Variants in TRAPPC9 observed in about 807,000 individuals in gnomAD.
The protein encoded by TRAPPC9 is trafficking protein particle complex subunit 9.
Under a neutral mutation model 124.0 loss-of-function variants are expected in TRAPPC9, and 83 were observed. The ratio of observed to expected loss-of-function variants is 0.67; its 90% confidence interval spans 0.56 to 0.80. The LOEUF (loss-of-function observed/expected upper bound fraction) is 0.80, where lower values mean the gene tolerates loss of function less well. Among genes scored for constraint, TRAPPC9 ranks in the 30% least tolerant of loss-of-function variants. The pLI, the probability that TRAPPC9 is intolerant of heterozygous loss-of-function variation, is 0.00. For synonymous variants in TRAPPC9, 638 were observed against 617.5 expected (o/e 1.03, Z -0.49); for missense variants, 1,302 against 1,508.3 (o/e 0.86, Z 2.27).
Position 140,148,227 on chromosome 8 carries a change from C to A in TRAPPC9, c.2556+73232G>T, listed in dbSNP as rs76327565. Among the ~76,000 whole-genome samples, 603 of 152,312 alleles carry A rather than the reference C, an allele frequency of 4.0e-3. 8 individuals are homozygous for A. Among genetic ancestry groups the A allele is most frequent in the African/African-American group, 0.013 (555 of 41,572 alleles). ...ATCCTGAACATTTTGTATGTAAACA[C>A]CCAGATCATTTTAATAAAAAATGAT... On this transcript the variant is annotated intron_variant, in intron 17 of 22. Transcript: ENST00000438773.
intron 18 of TRAPPC9, among the ~76,000 whole-genome samples, chr8:140,019,494 T>C (rs983252453): frequency 6.6e-6 from 1 of 151,694 alleles, no homozygotes; most frequent in Non-Finnish European, 1.5e-5. Context: ...TGTGTGACTA[T>C]TTATTTTTTC....
At chr8:139,896,207 G>A (rs1468888555) in intron 20 of TRAPPC9, among the ~76,000 whole-genome samples, 1 of 152,204 alleles carries the variant, frequency 6.6e-6, no homozygotes, top group East Asian at 1.9e-4. Flanking sequence ...TGAAGGCAGC[G>A]ATTACAGCCA....
rs564475272 is a variant in TRAPPC9 at position 140,223,318 on chromosome 8, T to C, written c.2432-1735A>G. ...AGTTTGCTGAGGATAATGAAACTTGTCCCCATTTTAAAGAACAGCAATAAA... is the reference window on the plus strand; with the variant it reads ...AGTTTGCTGAGGATAATGAAACTTGCCCCCATTTTAAAGAACAGCAATAAA... On this transcript the variant is annotated intron_variant, in intron 16 of 22. Transcript: ENST00000438773. 2.6e-5 allele frequency among the ~76,000 whole-genome samples: 4 copies of C among 152,218 alleles called. No homozygotes were observed. In the South Asian group the frequency reaches 8.3e-4, roughly 32 times the overall value.
At position 140,404,816 on chromosome 8, in the gene TRAPPC9, A is replaced by G. The variant is rs1001205768; in HGVS notation, c.1008+761T>C. Among the ~76,000 whole-genome samples the G allele has an allele frequency of 2.1e-4, 30 of 141,994 alleles. No individual in the cohort carries two copies. The Middle Eastern group carries it at 0.015, about 73-fold the overall frequency. The allele number at this position is 141,994 out of a possible 152,430, so 93.2% of individuals were successfully genotyped here. A position where few individuals can be genotyped will look rare whatever the true frequency, so the allele number is the denominator to read the frequency against. ...TGTATGTGTGTGTGAACATGTGTGTATGTGCATGTGTGTGAGCATGCGTGT... is the reference window on the plus strand; with the variant it reads ...TGTATGTGTGTGTGAACATGTGTGTGTGTGCATGTGTGTGAGCATGCGTGT... On this transcript the variant is annotated intron_variant, in intron 6 of 22. Transcript: ENST00000438773.
chr8:139,790,271 C>T (rs1469718532), intron 21 of TRAPPC9, among the ~76,000 whole-genome samples: 3 of 152,214 alleles, frequency 2.0e-5, no homozygotes, highest in South Asian at 2.1e-4. Flanking sequence ...GCTCTGCTGC[C>T]GCTGACGCAG....
intron 17 of TRAPPC9, among the ~76,000 whole-genome samples, chr8:140,081,070 T>C (rs1247706826): frequency 6.6e-6 from 1 of 152,112 alleles, no homozygotes; most frequent in Admixed American, 6.5e-5. Flanking sequence ...TCTGGAGGTG[T>C]GACCAAAGTT....
chr8:139,783,420 A>G (rs1278344385), intron 21 of TRAPPC9, among the ~76,000 whole-genome samples: 1 of 152,212 alleles, frequency 6.6e-6, no homozygotes, highest in Non-Finnish European at 1.5e-5. Context: ...TCATTTGACA[A>G]CATAGATAAA....
At chr8:140,058,430 C>G (rs1842411175) in intron 17 of TRAPPC9, among the ~76,000 whole-genome samples, 1 of 152,168 alleles carries the variant, frequency 6.6e-6, no homozygotes, top group Admixed American at 6.5e-5. Context: ...ATGAACTGTC[C>G]TCAACTATTC....
rs183580692 is a variant in TRAPPC9 at position 140,319,254 on chromosome 8, C to T, written c.1496-7880G>A. Among the ~76,000 whole-genome samples, 582 of 147,686 alleles carry T rather than the reference C, an allele frequency of 3.9e-3. 1 individual carries two copies. The highest frequency in any genetic ancestry group is 0.014 in the African/African-American group (539 of 39,772). On this transcript the variant is annotated intron_variant, in intron 9 of 22. Transcript: ENST00000438773. ...GCAGTGGCGCGATCTCGGCTCACTGCAAGCTCCGCCTCCCGGGTTCACACC... is the reference window on the plus strand; with the variant it reads ...GCAGTGGCGCGATCTCGGCTCACTGTAAGCTCCGCCTCCCGGGTTCACACC...
chr8:140,298,930 G>A (rs895251713), intron 11 of TRAPPC9, among the ~76,000 whole-genome samples: 1 of 152,236 alleles, frequency 6.6e-6, no homozygotes, highest in Non-Finnish European at 1.5e-5. Flanking sequence ...AGAATTCTGG[G>A]CTTCAGGTGA....
Position 139,857,750 on chromosome 8 carries a change from G to A in TRAPPC9, c.3055+28129C>T, listed in dbSNP as rs76345418. On this transcript the variant is annotated intron_variant, in intron 21 of 22. Coordinates refer to ENST00000438773, the MANE Select transcript of TRAPPC9 (RefSeq NM_001160372.4). ...AGGAAGCACGAGGCTGGGTGCCCTG[G>A]GCTGCCTGCCAACAGCTGCACACAG... Among the ~76,000 whole-genome samples, 688 of 152,314 alleles carry A rather than the reference G, an allele frequency of 4.5e-3. 11 individuals are homozygous for A. Among genetic ancestry groups the A allele is most frequent in the African/African-American group, 0.016 (650 of 41,572 alleles).
intron 17 of TRAPPC9, among the ~76,000 whole-genome samples, chr8:140,073,540 T>C (rs1843311197): frequency 6.6e-6 from 1 of 152,208 alleles, no homozygotes; most frequent in Non-Finnish European, 1.5e-5. Flanking sequence ...AGTTAGCGTA[T>C]GGGGATTAAC....
At chr8:139,795,490 C>T (rs1490227997) in intron 21 of TRAPPC9, among the ~76,000 whole-genome samples, 1 of 146,068 alleles carries the variant, frequency 6.8e-6, no homozygotes, top group African/African-American at 2.6e-5. Context: ...AGCTTTTCCC[C>T]TGAGCCACAC....
intron 21 of TRAPPC9, among the ~76,000 whole-genome samples, chr8:139,811,604 C>T (rs969571103): frequency 2.0e-5 from 3 of 152,182 alleles, no homozygotes; most frequent in South Asian, 2.1e-4. Context: ...ATCAGGAGCT[C>T]GGAATCTGGA....
chr8:139,786,744 G>A (rs548123906), intron 21 of TRAPPC9, among the ~76,000 whole-genome samples: 12 of 152,258 alleles, frequency 7.9e-5, no homozygotes, highest in Admixed American at 5.2e-4. Context: ...AAGAGCTACC[G>A]GGACATGCAA....
chr8:140,078,647 A>C (rs1241222020), intron 17 of TRAPPC9, among the ~76,000 whole-genome samples: 2 of 152,214 alleles, frequency 1.3e-5, no homozygotes, highest in Non-Finnish European at 2.9e-5. Flanking sequence ...AACTGCACCC[A>C]CTTTAAGAAG....
intron 2 of TRAPPC9, among the ~76,000 whole-genome samples, chr8:140,444,691 C>CCG (rs2071176020): frequency 6.6e-6 from 1 of 151,738 alleles, no homozygotes; most frequent in African/African-American, 2.4e-5. Flanking sequence ...TGAGACCCCC[C>CCG]CCATCTCTAC....
At chr8:140,275,177 A>T (rs144998735) in intron 15 of TRAPPC9, among the ~76,000 whole-genome samples, 149 of 152,332 alleles carry the variant, frequency 9.8e-4, no homozygotes, top group African/African-American at 3.3e-3. Context: ...ATCGAGGCAC[A>T]GGAGTAACAG....
At chr8:140,388,312 G>A (rs1171717169) in intron 7 of TRAPPC9, among the ~76,000 whole-genome samples, 1 of 150,208 alleles carries the variant, frequency 6.7e-6, no homozygotes, top group East Asian at 2.0e-4. Flanking sequence ...CACCAACATG[G>A]CACATGTATA....
Sources: gnomAD v4.1 joint callset for allele counts (sites outside exome capture counted in the v4.1 genomes callset) on GRCh38, gnomAD v4.1.1 for gene constraint, MANE v1.5 for transcripts, NCBI Gene and HGNC (gene_info 2026-07-23, HGNC 2026-07-21) for gene names.